MPP7: variants seen among roughly 807,000 people sequenced by gnomAD.
MPP7 encodes MAGUK p55 scaffold protein 7.
In MPP7, 60 loss-of-function variants were observed where a neutral mutation model predicts 76.5. The ratio of observed to expected loss-of-function variants is 0.78; its 90% CI spans 0.64 to 0.97. The LOEUF is 0.97. Among genes scored for constraint, MPP7 ranks in the 50% least tolerant of loss-of-function variants. MPP7 has a pLI of 0.00. For synonymous variants in MPP7, 237 were observed against 244.5 expected, an observed-to-expected ratio of 0.97 and a Z score of 0.29; for missense variants, 641 against 694.0, an observed-to-expected ratio of 0.92 and a Z score of 0.86.
intron 1 of MPP7, among the ~76,000 whole-genome samples, chr10:28,242,079 T>C (rs1321193514): frequency 6.6e-6 from 1 of 152,190 alleles, no homozygotes; most frequent in African/African-American, 2.4e-5. Context: ...AATGTGAACA[T>C]ATACACACAC....
chr10:28,180,761 C>T (rs1825176635), intron 3 of MPP7, among the ~76,000 whole-genome samples: 1 of 152,142 alleles, frequency 6.6e-6, no homozygotes, highest in Admixed American at 6.5e-5. Flanking sequence ...GGGGAGAACT[C>T]CCACCACCTG....
At chr10:28,194,265 C>T (rs985520711) in intron 3 of MPP7, among the ~76,000 whole-genome samples, 6 of 152,154 alleles carry the variant, frequency 3.9e-5, no homozygotes, top group East Asian at 1.9e-4. Flanking sequence ...CCACCCGCCT[C>T]GGCCTCCCAA....
intron 1 of MPP7, among the ~76,000 whole-genome samples, chr10:28,253,776 A>C (rs1839693174): frequency 6.6e-6 from 1 of 151,958 alleles, no homozygotes; most frequent in Non-Finnish European, 1.5e-5. Flanking sequence ...CGGGTGGATC[A>C]CTTGAGCTCA....
intron 2 of MPP7, among the ~76,000 whole-genome samples, chr10:28,315,797 C>A (rs184632320): frequency 6.6e-6 from 1 of 152,050 alleles, no homozygotes. Context: ...AAAGGTGGGG[C>A]GGGGAGAGTA....
At chr10:28,265,992 G>A (rs1054598806) in intron 1 of MPP7, among the ~76,000 whole-genome samples, 5 of 152,024 alleles carry the variant, frequency 3.3e-5, no homozygotes, top group Non-Finnish European at 5.9e-5. Context: ...TTTGGAGACA[G>A]GGTCTCACTC....
chr10:28,110,818 C>T (rs1029450649), intron 11 of MPP7, among the ~76,000 whole-genome samples: 1 of 152,154 alleles, frequency 6.6e-6, no homozygotes, highest in Non-Finnish European at 1.5e-5. Flanking sequence ...TCTGTCAATA[C>T]ATTTGAATAA....
intron 1 of MPP7, among the ~76,000 whole-genome samples, chr10:28,299,844 C>T (rs1392384267): frequency 6.6e-6 from 1 of 150,406 alleles, no homozygotes; most frequent in Non-Finnish European, 1.5e-5. Flanking sequence ...CAGCTTACTG[C>T]AAGCTCTGCC....
intron 3 of MPP7, among the ~76,000 whole-genome samples, chr10:28,179,869 T>G (rs1837003215): frequency 1.3e-5 from 2 of 152,182 alleles, no homozygotes; most frequent in African/African-American, 4.8e-5. Context: ...ACATTCCAAT[T>G]TAAACAAATG....
chr10:28,094,552 A>G (rs1382671047), intron 11 of MPP7, among the ~76,000 whole-genome samples: 2 of 152,156 alleles, frequency 1.3e-5, no homozygotes, highest in Non-Finnish European at 2.9e-5. Context: ...TTCATGCTGC[A>G]ATGCCTCCAA....
intron 2 of MPP7, among the ~76,000 whole-genome samples, chr10:28,204,161 G>C (rs543302739): frequency 6.6e-6 from 1 of 152,074 alleles, no homozygotes; most frequent in Non-Finnish European, 1.5e-5. Context: ...CGCATAGCAC[G>C]GCCAGGCATA....
At chr10:28,171,462 A>G (rs965351375) in intron 3 of MPP7, among the ~76,000 whole-genome samples, 8 of 152,190 alleles carry the variant, frequency 5.3e-5, no homozygotes, top group South Asian at 2.1e-4. Flanking sequence ...TTGGTTGCCA[A>G]TATGGGAGGG....
chr10:28,241,604 A>G (rs1207223422), intron 1 of MPP7, among the ~76,000 whole-genome samples: 1 of 151,968 alleles, frequency 6.6e-6, no homozygotes, highest in East Asian at 1.9e-4. Flanking sequence ...TGACTGTTGT[A>G]TGGAATCGAT....
intron 3 of MPP7, among the ~76,000 whole-genome samples, chr10:28,180,798 T>A (rs1837034386): frequency 6.6e-6 from 1 of 152,174 alleles, no homozygotes; most frequent in African/African-American, 2.4e-5. Flanking sequence ...CAATGGGGGC[T>A]GGAGGGTAGG....
At position 28,147,533 on chromosome 10, in the gene MPP7, T is replaced by G. The variant is rs1452159954; in HGVS notation, c.265A>C (p.Asn89His). The G allele has an allele frequency of 6.2e-7, 1 of 1,614,132 alleles. No homozygotes were observed. Among genetic ancestry groups the G allele is most frequent in the South Asian group, 1.1e-5 (1 of 91,080 alleles). Residue 89 changes from asparagine to histidine, a missense_variant, in exon 5 of 17, where the codon AAC (asparagine) becomes CAC (histidine). Physicochemically the swap from Asn to His is moderately conservative, Grantham distance 68. Coordinates refer to ENST00000683449, the MANE Select transcript of MPP7 (RefSeq NM_001318170.2). ...LAEELQNKPL[N>H]SEIRELLKLL... ...TTCAACAGCTCTCTGATCTCACTGT[T>G]TAATGGCTTGTTCTGAAGCTCTTCG...
intron 11 of MPP7, among the ~76,000 whole-genome samples, chr10:28,105,131 C>A (rs1050757227): frequency 1.8e-5 from 2 of 113,012 alleles, no homozygotes; most frequent in Non-Finnish European, 3.2e-5. Context: ...TCTAGCCTGG[C>A]GACAGAGTGA....
chr10:28,305,156 G>A (rs924299708), upstream of MPP7, among the ~76,000 whole-genome samples: 3 of 152,144 alleles, frequency 2.0e-5, no homozygotes, highest in African/African-American at 7.2e-5. Flanking sequence ...AAACTCCAGG[G>A]CAGATAAAAT....
rs1853201283 is a variant in MPP7 at position 28,089,748 on chromosome 10, G to C, written c.1046C>G (p.Ala349Gly). The change falls in exon 12 of 17, where the codon GCT becomes GGT. Residue 349 changes from alanine to glycine, a missense_variant. Ala to Gly is a moderately conservative substitution (Grantham distance 60). Coordinates refer to ENST00000683449, the MANE Select transcript of MPP7 (RefSeq NM_001318170.2). ...ECKKSDQYDT[A>G]DVPTYEEVTP... The stretch of plus-strand genomic sequence containing the variant: ...CACTTCTTCGTATGTGGGTACGTCA[G>C]CTGTGTCGTACTGATCACTCTTCTT... The C allele has an allele frequency of 6.2e-7, 1 of 1,612,298 alleles. No individual in the cohort carries two copies. The highest frequency in any genetic ancestry group is 1.1e-5 in the South Asian group (1 of 90,962).
At chr10:28,279,688 G>C (rs1374183888) in intron 1 of MPP7, among the ~76,000 whole-genome samples, 2 of 150,690 alleles carry the variant, frequency 1.3e-5, no homozygotes, top group Non-Finnish European at 2.9e-5. Context: ...CTGGGTGACA[G>C]AGCGAGACGC....
chr10:28,095,194 CATATATATATATATATATAT>C (rs10528025), intron 11 of MPP7, among the ~76,000 whole-genome samples: 3 of 130,822 alleles, frequency 2.3e-5, no homozygotes, highest in African/African-American at 5.7e-5. Flanking sequence ...CACACATATG[CATATATATATATATATATAT>C]ATATATATAC....
Sources: gnomAD v4.1 joint callset for allele counts (sites outside exome capture counted in the v4.1 genomes callset) on GRCh38, gnomAD v4.1.1 for gene constraint, MANE v1.5 for transcripts, NCBI Gene and HGNC (gene_info 2026-07-23, HGNC 2026-07-21) for gene names.